Variants in PKHD1 observed in about 807,000 individuals in gnomAD.
PKHD1 encodes the protein fibrocystin.
A neutral mutation model predicts 412.0 loss-of-function variants in PKHD1; 291 were observed. That is an observed-to-expected ratio of 0.71 (90% CI 0.64 to 0.78). The LOEUF (loss-of-function observed/expected upper bound fraction) is 0.78, where lower values mean the gene tolerates loss of function less well. Ranked by LOEUF, PKHD1 falls within the 30% of genes least tolerant of loss-of-function variation. PKHD1 has a pLI of 0.00. For missense variants in PKHD1, 4,825 were observed against 4,950.7 expected (o/e 0.97, Z 0.76); for synonymous variants, 1,777 against 1,821.5 (o/e 0.98, Z 0.62).
intron 49 of PKHD1, among the ~76,000 whole-genome samples, chr6:51,848,746 T>G (rs1771658297): frequency 6.6e-6 from 1 of 152,138 alleles, no homozygotes; most frequent in Non-Finnish European, 1.5e-5. Flanking sequence ...TGGCAGGGCT[T>G]CTGTCTCCCT....
intron 30 of PKHD1, 25 bp downstream of exon 30, chr6:52,028,131 A>G: frequency 6.2e-7 from 1 of 1,608,530 alleles, no homozygotes; most frequent in Non-Finnish European, 8.5e-7. Context: ...AACAAATCCA[A>G]AATTAATGCA....
At chr6:51,928,585 CT>C (rs771348757) in intron 37 of PKHD1, among the ~76,000 whole-genome samples, 127 of 151,956 alleles carry the variant, frequency 8.4e-4, no homozygotes, top group Non-Finnish European at 1.3e-3. Flanking sequence ...CACTTTCCCC[CT>C]GGGCACCATG....
At chr6:51,907,234 T>C (rs554528558) in intron 40 of PKHD1, among the ~76,000 whole-genome samples, 7 of 152,262 alleles carry the variant, frequency 4.6e-5, no homozygotes, top group African/African-American at 1.7e-4. Context: ...AGATGCCAAG[T>C]GCTGGGATAT....
intron 35 of PKHD1, among the ~76,000 whole-genome samples, chr6:51,982,848 A>AAAAAAT (rs1562054252): frequency 1.8e-5 from 1 of 56,278 alleles, no homozygotes; most frequent in Admixed American, 3.0e-4. Context: ...TAAAAAAATA[A>AAAAAAT]AAAAATAAAA....
intron 34 of PKHD1, among the ~76,000 whole-genome samples, chr6:52,012,176 T>C (rs1799914202): frequency 6.6e-6 from 1 of 152,204 alleles, no homozygotes; most frequent in Non-Finnish European, 1.5e-5. Context: ...TCCACATTTA[T>C]AAAATGGAGT....
rs577939284 is a variant in PKHD1, at chr6:51,724,527, C to A, written c.10156+19858G>T. On this transcript the variant is annotated intron_variant, in intron 60 of 66. Coordinates refer to ENST00000371117, the MANE Select transcript of PKHD1 (RefSeq NM_138694.4). ...GTCAGCTCACCTCAGTAGACTGGAG[C>A]CTTCAGAGGAGGAAGAAAAAATCTC... Among the ~76,000 whole-genome samples the A allele has an allele frequency of 1.6e-4, 24 of 152,220 alleles. 1 individual carries two copies. In the South Asian group the frequency reaches 5.0e-3, roughly 32 times the overall value.
intron 49 of PKHD1, among the ~76,000 whole-genome samples, chr6:51,853,708 G>A (rs1208743184): frequency 2.0e-5 from 3 of 152,010 alleles, no homozygotes; most frequent in African/African-American, 4.8e-5. Context: ...TGGTCAATTC[G>A]GCTGTTGATA....
chr6:51,949,573 T>C (rs561904069), intron 36 of PKHD1, among the ~76,000 whole-genome samples: 57 of 152,306 alleles, frequency 3.7e-4, no homozygotes, highest in African/African-American at 1.3e-3. Flanking sequence ...GACTTGTGCC[T>C]GATCCACTGG....
chr6:51,870,661 G>T (rs766963484), intron 46 of PKHD1, 22 bp from the exon 47 acceptor site: 1 of 1,594,016 alleles, frequency 6.3e-7, no homozygotes, highest in South Asian at 1.1e-5. Context: ...AAGAAAAAAA[G>T]ATGAAAGCAA....
chr6:52,031,963 A>G (rs971406755), intron 29 of PKHD1, among the ~76,000 whole-genome samples: 1 of 152,184 alleles, frequency 6.6e-6, no homozygotes, highest in East Asian at 1.9e-4. Flanking sequence ...TCTTTTCATT[A>G]CAGATAAGAA....
At chr6:51,977,954 G>A (rs569384500) in intron 35 of PKHD1, among the ~76,000 whole-genome samples, 3 of 152,290 alleles carry the variant, frequency 2.0e-5, no homozygotes, top group Admixed American at 6.5e-5. Context: ...GGATTGGTGA[G>A]GGAGAAGCAA....
intron 66 of PKHD1, among the ~76,000 whole-genome samples, chr6:51,623,108 G>GT (rs1766832220): frequency 1.3e-5 from 2 of 151,866 alleles, no homozygotes; most frequent in African/African-American, 2.4e-5. Context: ...AATTGGCTTT[G>GT]TATCATTAGT....
chr6:51,775,202 T>C (rs570230745), intron 54 of PKHD1, among the ~76,000 whole-genome samples: 26 of 151,914 alleles, frequency 1.7e-4, no homozygotes, highest in African/African-American at 6.3e-4. Flanking sequence ...AGAAAATTGC[T>C]TCATGCCAAG....
chr6:51,836,945 C>G lies in PKHD1; in HGVS notation c.8108-476G>C, dbSNP rs148274215. ...CCTTTTCCCCACCCCCTATCCTCCT[C>G]CTATCATCCAAGCCAACTGAGCACA... On this transcript the variant is annotated intron_variant, in intron 50 of 66. Transcript: ENST00000371117. Among the ~76,000 whole-genome samples the G allele has an allele frequency of 4.6e-5, 7 of 152,282 alleles. 1 individual carries two copies. The highest frequency in any genetic ancestry group is 1.7e-4 in the African/African-American group (7 of 41,568).
chr6:51,899,122 T>C (rs1002788202), intron 43 of PKHD1, among the ~76,000 whole-genome samples: 1 of 152,202 alleles, frequency 6.6e-6, no homozygotes, highest in Non-Finnish European at 1.5e-5. Flanking sequence ...TCTGAAACTA[T>C]TCCAATCCAT....
chr6:51,833,873 G>A (rs869270164), intron 51 of PKHD1, among the ~76,000 whole-genome samples: 14 of 152,086 alleles, frequency 9.2e-5, no homozygotes, highest in Admixed American at 7.2e-4. Flanking sequence ...GTCTTCTGAA[G>A]CTTTAGATAA....
rs398124490 is a variant in PKHD1 at position 51,906,210 on chromosome 6, C to G, written c.6808+5G>C. 2 of 1,610,968 alleles carry G rather than the reference C, an allele frequency of 1.2e-6. No individual in the cohort carries two copies. The highest frequency in any genetic ancestry group is 1.7e-6 in the Non-Finnish European group (2 of 1,177,518). On this transcript the variant is annotated splice_donor_5th_base_variant and intron_variant, in intron 41 of 66. Coordinates refer to ENST00000371117, the MANE Select transcript of PKHD1 (RefSeq NM_138694.4). ...GCAGAAATTCAACAAGCTTGTTTTA[C>G]TTACCAACTAGCAGCGCATGACCTA...
At chr6:52,036,535 C>A (rs539898779) in intron 27 of PKHD1, among the ~76,000 whole-genome samples, 12 of 152,314 alleles carry the variant, frequency 7.9e-5, no homozygotes, top group Middle Eastern at 3.4e-3. Context: ...GCCTTACCCC[C>A]CCTTGAGGGT....
At chr6:51,940,064 C>T (rs574995413) in intron 36 of PKHD1, among the ~76,000 whole-genome samples, 2 of 151,702 alleles carry the variant, frequency 1.3e-5, no homozygotes, top group African/African-American at 4.8e-5. Flanking sequence ...AGCATTTAGG[C>T]TCTTTTTCAT....
Sources: allele counts gnomAD v4.1 joint callset (sites outside exome capture counted in the v4.1 genomes callset), GRCh38; gene constraint gnomAD v4.1.1; transcripts MANE v1.5; gene names NCBI Gene and HGNC (gene_info 2026-07-23, HGNC 2026-07-21).